The following FOXP2 variants were observed in gnomAD, a reference collection of about 807,000 sequenced individuals.
FOXP2 encodes forkhead box protein P2.
A neutral mutation model predicts 115.8 loss-of-function variants in FOXP2; 12 were observed. The ratio of observed to expected loss-of-function variants is 0.10; its 90% CI spans 0.07 to 0.17. The LOEUF (loss-of-function observed/expected upper bound fraction) is 0.17. Ranked by LOEUF, FOXP2 falls within the 10% of genes least tolerant of loss-of-function variation. The pLI, the probability that FOXP2 is intolerant of heterozygous loss-of-function variation, is 1.00. For missense variants in FOXP2, 629 were observed against 843.5 expected (o/e 0.75, Z 3.15); for synonymous variants, 328 against 297.7 (o/e 1.10, Z -1.05).
At chr7:114,210,408 G>A (rs1466644591) in intron 1 of FOXP2, among the ~76,000 whole-genome samples, 1 of 152,104 alleles carries the variant, frequency 6.6e-6, no homozygotes. Flanking sequence ...TAGGGCTGCT[G>A]CAGTTTGCTG....
At position 114,612,990 on chromosome 7, in the gene FOXP2, G is replaced by T. The variant is rs1042225255; in HGVS notation, c.259-15550G>T. ...AGGGTCAAAGTTAAGTTACTTTTGT[G>T]TTACTTTGTCAGTGGTTTTACTCAG... On this transcript the variant is annotated intron_variant, in intron 3 of 16. Transcript: ENST00000350908. Among the ~76,000 whole-genome samples the T allele has an allele frequency of 7.9e-5, 12 of 152,202 alleles. 1 individual carries two copies. The highest frequency in any genetic ancestry group is 3.9e-4 in the Admixed American group (6 of 15,298).
At chr7:114,154,384 C>T (rs1360924995) in intron 1 of FOXP2, among the ~76,000 whole-genome samples, 1 of 151,880 alleles carries the variant, frequency 6.6e-6, no homozygotes, top group Non-Finnish European at 1.5e-5. Flanking sequence ...TTTTTTTCCA[C>T]ATCATAAACA....
At chr7:114,642,853 T>C (rs1173888349) in intron 7 of FOXP2, among the ~76,000 whole-genome samples, 7 of 134,828 alleles carry the variant, frequency 5.2e-5, no homozygotes, top group African/African-American at 1.7e-4. Flanking sequence ...CTGTCACCCA[T>C]GCTGGAGTGC....
At chr7:114,155,420 A>G (rs1474282736) in intron 1 of FOXP2, among the ~76,000 whole-genome samples, 1 of 152,168 alleles carries the variant, frequency 6.6e-6, no homozygotes, top group Non-Finnish European at 1.5e-5. Flanking sequence ...ATCACATGAC[A>G]GATAGCAGAC....
At chr7:114,567,764 A>G (rs1347121558) in intron 3 of FOXP2, among the ~76,000 whole-genome samples, 1 of 152,042 alleles carries the variant, frequency 6.6e-6, no homozygotes, top group Non-Finnish European at 1.5e-5. Flanking sequence ...TGGTTCTGTT[A>G]AAGCATGGTT....
intron 2 of FOXP2, among the ~76,000 whole-genome samples, chr7:114,429,436 A>G (rs907806651): frequency 6.6e-6 from 1 of 151,480 alleles, no homozygotes; most frequent in Non-Finnish European, 1.5e-5. Context: ...TTCCTTTCTA[A>G]TCTTCAAAAA....
chr7:114,103,751 A>T (rs531204643), intron 1 of FOXP2, among the ~76,000 whole-genome samples: 1 of 152,050 alleles, frequency 6.6e-6, no homozygotes, highest in Admixed American at 6.6e-5. Flanking sequence ...TATATGAAAG[A>T]CTTGTAAATT....
intron 1 of FOXP2, among the ~76,000 whole-genome samples, chr7:114,148,164 A>T (rs937147533): frequency 1.3e-5 from 2 of 152,126 alleles, no homozygotes; most frequent in Non-Finnish European, 2.9e-5. Flanking sequence ...TAATTGTGTG[A>T]ATTGCGGGGA....
intron 1 of FOXP2, among the ~76,000 whole-genome samples, chr7:114,173,501 T>C (rs1316347121): frequency 6.6e-6 from 1 of 151,946 alleles, no homozygotes. Flanking sequence ...GAATTTATTA[T>C]TCATAAAAAT....
At chr7:114,237,589 G>T (rs371694364) in intron 1 of FOXP2, among the ~76,000 whole-genome samples, 2 of 151,962 alleles carry the variant, frequency 1.3e-5, no homozygotes, top group South Asian at 2.1e-4. Context: ...CCCACACTGT[G>T]GAGTGTACTT....
At chr7:114,265,166 C>A (rs1044632123) in intron 1 of FOXP2, among the ~76,000 whole-genome samples, 1 of 152,174 alleles carries the variant, frequency 6.6e-6, no homozygotes, top group African/African-American at 2.4e-5. Context: ...TCCAAAGTCT[C>A]TTCTGAGACA....
At chr7:114,221,930 AAG>A (rs1794633040) in intron 1 of FOXP2, among the ~76,000 whole-genome samples, 3 of 152,110 alleles carry the variant, frequency 2.0e-5, no homozygotes, top group Admixed American at 2.0e-4. Flanking sequence ...CTATTCCATC[AAG>A]CCACTGACTG....
At chr7:114,648,760 C>T (rs549353253) in intron 8 of FOXP2, among the ~76,000 whole-genome samples, 1 of 152,180 alleles carries the variant, frequency 6.6e-6, no homozygotes, top group East Asian at 1.9e-4. Context: ...GAACGTCAGT[C>T]GACCACATCA....
chr7:114,681,083 G>T (rs369946902), intron 16 of FOXP2, among the ~76,000 whole-genome samples: 1 of 152,184 alleles, frequency 6.6e-6, no homozygotes, highest in Admixed American at 6.5e-5. Context: ...GGACACTTAG[G>T]GCTGGCAATC....
chr7:114,688,668 A>G (rs1192514919), intron 16 of FOXP2, among the ~76,000 whole-genome samples: 8 of 152,090 alleles, frequency 5.3e-5, no homozygotes, highest in Non-Finnish European at 1.5e-5. Context: ...CAGCATTATT[A>G]TTCTTGTTAG....
chr7:114,142,208 A>G (rs1584503661), intron 1 of FOXP2, among the ~76,000 whole-genome samples: 1 of 151,980 alleles, frequency 6.6e-6, no homozygotes, highest in Non-Finnish European at 1.5e-5. Flanking sequence ...TTTTTAGTAG[A>G]GACAGGGGTT....
intron 1 of FOXP2, among the ~76,000 whole-genome samples, chr7:114,242,437 A>G (rs1300734062): frequency 6.6e-6 from 1 of 152,052 alleles, no homozygotes; most frequent in Admixed American, 6.6e-5. Flanking sequence ...TAGAGATGGA[A>G]TGTTGCATCA....
intron 1 of FOXP2, among the ~76,000 whole-genome samples, chr7:114,273,961 T>A (rs775129114): frequency 1.3e-5 from 2 of 152,136 alleles, no homozygotes; most frequent in Non-Finnish European, 2.9e-5. Flanking sequence ...ACCATATTTA[T>A]TACAGTTTTC....
intron 2 of FOXP2, among the ~76,000 whole-genome samples, chr7:114,331,660 C>CTT (rs112494928): frequency 7.0e-6 from 1 of 143,050 alleles, no homozygotes. Flanking sequence ...CTGACATTTT[C>CTT]TTTTTTTTTT....
Sources: allele counts gnomAD v4.1 joint callset (sites outside exome capture counted in the v4.1 genomes callset), GRCh38; gene constraint gnomAD v4.1.1; transcripts MANE v1.5; gene names NCBI Gene and HGNC (gene_info 2026-07-23, HGNC 2026-07-21).